Variants in MROH9 observed in about 807,000 individuals in gnomAD.
MROH9 encodes maestro heat-like repeat-containing protein family member 9.
Under a neutral mutation model 98.2 loss-of-function variants are expected in MROH9, and 92 were observed. That is an observed-to-expected ratio of 0.94 (90% CI 0.79 to 1.11). The LOEUF is 1.11. Ranked by LOEUF, MROH9 falls within the 50% of genes most tolerant of loss-of-function variation. The pLI is 0.00. For synonymous variants in MROH9, 397 were observed against 368.9 expected (o/e 1.08, Z -0.87); for missense variants, 1,057 against 1,014.8 (o/e 1.04, Z -0.57).
intron 20 of MROH9, among the ~76,000 whole-genome samples, chr1:171,051,929 G>T (rs1405103590): frequency 6.6e-6 from 1 of 152,070 alleles, no homozygotes; most frequent in Non-Finnish European, 1.5e-5. Flanking sequence ...TTGATAGCAG[G>T]GTAATGATGG....
chr1:171,007,356 T>C (rs1169213999), intron 15 of MROH9, among the ~76,000 whole-genome samples: 3 of 152,190 alleles, frequency 2.0e-5, no homozygotes, highest in African/African-American at 7.2e-5. Context: ...ACAACAGACC[T>C]ATTACCAAGT....
chr1:171,047,384 A>G (rs1053708985), intron 20 of MROH9, among the ~76,000 whole-genome samples: 1 of 151,950 alleles, frequency 6.6e-6, no homozygotes, highest in Admixed American at 6.6e-5. Flanking sequence ...TCTATTTTCA[A>G]ATAGGCTGCC....
intron 20 of MROH9, among the ~76,000 whole-genome samples, chr1:171,053,641 A>G (rs1653738606): frequency 6.6e-6 from 1 of 152,244 alleles, no homozygotes; most frequent in South Asian, 2.1e-4. Context: ...AATGAATAAT[A>G]TATCATTGTT....
intron 20 of MROH9, among the ~76,000 whole-genome samples, chr1:171,043,560 A>G (rs1229030969): frequency 6.6e-6 from 1 of 151,890 alleles, no homozygotes; most frequent in Non-Finnish European, 1.5e-5. Flanking sequence ...TAATCTGTAG[A>G]TTGCTTTGTG....
intron 3 of MROH9, among the ~76,000 whole-genome samples, chr1:170,953,901 G>A (rs3075474): frequency 4.3e-4 from 22 of 51,392 alleles, no homozygotes; most frequent in East Asian, 1.3e-3. Context: ...GAAAAAAAGA[G>A]AGAGAAAGAA....
chr1:170,962,046 C>A, intron 6 of MROH9, 70 bp downstream of exon 6: 1 of 845,046 alleles, frequency 1.2e-6, no homozygotes. Context: ...TCACTTTCTT[C>A]TCATTTGCTA....
chr1:171,063,249 C>T lies in MROH9; in HGVS notation c.2345-850C>T, dbSNP rs1288018892. Among the ~76,000 whole-genome samples the T allele has an allele frequency of 8.9e-5, 11 of 123,828 alleles. No homozygotes were observed. The Admixed American group carries it at 1.1e-3, about 12-fold the overall frequency. 81.2% of individuals were successfully genotyped at this position (123,828 alleles called of 152,430 possible). On this transcript the variant is annotated intron_variant, in intron 21 of 21. Transcript: ENST00000367759. ...TAACATTTTGGTATATGTATTATCC[C>T]GGATTTTTTTTTTTTTTTTTTTGAG...
intron 20 of MROH9, among the ~76,000 whole-genome samples, chr1:171,054,720 A>C (rs1272785190): frequency 6.6e-6 from 1 of 152,172 alleles, no homozygotes; most frequent in Non-Finnish European, 1.5e-5. Flanking sequence ...CTCAAAAGAA[A>C]ATATACAAAT....
Position 170,989,849 on chromosome 1 carries a change from T to A in MROH9, c.880-6T>A. 6.3e-7 allele frequency: 1 copy of A among 1,592,104 alleles called. No homozygotes were observed. The highest frequency in any genetic ancestry group is 8.6e-7 in the Non-Finnish European group (1 of 1,163,232). On this transcript the variant is annotated splice_region_variant and splice_polypyrimidine_tract_variant and intron_variant, in intron 10 of 21. Transcript: ENST00000367759. ...TTCTTGTTTACCTGTGGAATTTCTC[T>A]TCCAGGTGTCTAAGATCGTGGATGC...
chr1:171,022,693 C>A (rs548441996), intron 17 of MROH9, among the ~76,000 whole-genome samples: 1 of 151,964 alleles, frequency 6.6e-6, no homozygotes, highest in Non-Finnish European at 1.5e-5. Context: ...TGCAGCAAAC[C>A]AGCATGGCAC....
At chr1:170,965,964 C>T (rs1244267502) in intron 7 of MROH9, among the ~76,000 whole-genome samples, 3 of 152,040 alleles carry the variant, frequency 2.0e-5, no homozygotes, top group East Asian at 3.8e-4. Context: ...ATAGTTTTGA[C>T]ATATTATGAT....
chr1:170,956,411 T>C (rs1649758730), intron 3 of MROH9, among the ~76,000 whole-genome samples: 1 of 152,124 alleles, frequency 6.6e-6, no homozygotes, highest in African/African-American at 2.4e-5. Flanking sequence ...TTTGGCAGTA[T>C]GGTCATTTCA....
At chr1:171,046,771 A>G (rs1322967662) in intron 20 of MROH9, among the ~76,000 whole-genome samples, 1 of 152,166 alleles carries the variant, frequency 6.6e-6, no homozygotes, top group Admixed American at 6.5e-5. Context: ...TTGTGCCTTC[A>G]GGTGACTATT....
chr1:170,965,655 C>A (rs1406419836), intron 7 of MROH9, among the ~76,000 whole-genome samples: 1 of 152,058 alleles, frequency 6.6e-6, no homozygotes, highest in Non-Finnish European at 1.5e-5. Flanking sequence ...CAAGTTCTTT[C>A]ATTGTGAAAC....
At chr1:171,045,270 G>A (rs575725329) in intron 20 of MROH9, among the ~76,000 whole-genome samples, 1 of 151,726 alleles carries the variant, frequency 6.6e-6, no homozygotes, top group Admixed American at 6.6e-5. Context: ...AAAGTGCTGG[G>A]ATTACAGGCA....
chr1:171,027,177 T>C lies in MROH9; in HGVS notation c.2281+1757T>C, dbSNP rs565229132. Among the ~76,000 whole-genome samples the C allele has an allele frequency of 5.3e-5, 8 of 152,168 alleles. No homozygotes were observed. In the South Asian group the frequency reaches 1.7e-3, roughly 32 times the overall value. On this transcript the variant is annotated intron_variant, in intron 20 of 21. Coordinates refer to ENST00000367759, the MANE Select transcript of MROH9 (RefSeq NM_001163629.2). ...TGCCATGGTGGTTCGCTGCCCCTATTGACTGGCCCTCTAAGTTCCCTCGCC... is the reference window on the plus strand; with the variant it reads ...TGCCATGGTGGTTCGCTGCCCCTATCGACTGGCCCTCTAAGTTCCCTCGCC...
At chr1:171,048,938 T>G (rs1386400688) in intron 20 of MROH9, among the ~76,000 whole-genome samples, 1 of 152,192 alleles carries the variant, frequency 6.6e-6, no homozygotes, top group African/African-American at 2.4e-5. Context: ...TTTAGAAATG[T>G]CGTCTGGGAA....
At chr1:171,050,915 GA>G (rs577609699) in intron 20 of MROH9, among the ~76,000 whole-genome samples, 41 of 152,220 alleles carry the variant, frequency 2.7e-4, no homozygotes, top group Non-Finnish European at 4.6e-4. Context: ...CATTTATTGC[GA>G]TGATTATTGT....
chr1:171,014,898 C>T (rs1232401244), intron 16 of MROH9: 1 of 452,080 alleles, frequency 2.2e-6, no homozygotes, highest in Non-Finnish European at 4.6e-6. Context: ...GGGGTGGGCC[C>T]ACCAATCTGT....
Sources: allele counts gnomAD v4.1 joint callset (sites outside exome capture counted in the v4.1 genomes callset), GRCh38; gene constraint gnomAD v4.1.1; transcripts MANE v1.5; gene names NCBI Gene and HGNC (gene_info 2026-07-23, HGNC 2026-07-21).